CDC42SE2: variants seen among roughly 807,000 people sequenced by gnomAD.
The protein encoded by CDC42SE2 is CDC42 small effector protein 2.
A neutral mutation model predicts 11.5 loss-of-function variants in CDC42SE2; 3 were observed. That is an observed-to-expected ratio of 0.26 (90% CI 0.12 to 0.67). CDC42SE2 has a LOEUF of 0.67. Among genes scored for constraint, CDC42SE2 ranks in the 30% least tolerant of loss-of-function variants. CDC42SE2 has a pLI of 0.80. For missense variants in CDC42SE2, 82 were observed against 106.8 expected, an observed-to-expected ratio of 0.77 and a Z score of 1.02; for synonymous variants, 33 against 34.8, an observed-to-expected ratio of 0.95 and a Z score of 0.18.
the CDC42SE2 span, among the ~76,000 whole-genome samples, chr5:131,230,404 G>T: frequency 6.6e-6 from 1 of 152,220 alleles, no homozygotes; most frequent in African/African-American, 2.4e-5. Context: ...AAACAGGAAA[G>T]TTAGCTCGGG....
chr5:131,271,232 C>T (rs987881757), intron 1 of CDC42SE2, among the ~76,000 whole-genome samples: 3 of 152,030 alleles, frequency 2.0e-5, no homozygotes, highest in African/African-American at 7.2e-5. Flanking sequence ...CAGAACTGCC[C>T]ATGCTTTATT....
the CDC42SE2 span, among the ~76,000 whole-genome samples, chr5:131,236,465 C>A: frequency 6.6e-6 from 1 of 152,018 alleles, no homozygotes. Context: ...CTTGCTCTGT[C>A]GCCCAGGCTG....
chr5:131,270,027 C>T (rs934990521), intron 1 of CDC42SE2, among the ~76,000 whole-genome samples: 9 of 151,920 alleles, frequency 5.9e-5, no homozygotes, highest in African/African-American at 1.9e-4. Flanking sequence ...CACCACTCTA[C>T]TCCAGCCTGG....
the CDC42SE2 span, among the ~76,000 whole-genome samples, chr5:131,225,238 G>A: frequency 6.6e-6 from 1 of 152,206 alleles, no homozygotes; most frequent in African/African-American, 2.4e-5. Context: ...GTCCATAGGA[G>A]AGAACCTTGA....
At chr5:131,355,496 GAGAA>G (rs1420608446) in intron 2 of CDC42SE2, among the ~76,000 whole-genome samples, 3 of 151,884 alleles carry the variant, frequency 2.0e-5, no homozygotes, top group Admixed American at 6.6e-5. Flanking sequence ...GAAAGAGAGA[GAGAA>G]AGAGAAGAGA....
At chr5:131,284,073 C>T (rs1391821205) in intron 1 of CDC42SE2, among the ~76,000 whole-genome samples, 1 of 152,156 alleles carries the variant, frequency 6.6e-6, no homozygotes. Context: ...CATAGTTTTA[C>T]GTTTCCATCA....
intron 1 of CDC42SE2, among the ~76,000 whole-genome samples, chr5:131,311,847 A>T (rs1757923365): frequency 6.6e-6 from 1 of 151,966 alleles, no homozygotes; most frequent in African/African-American, 2.4e-5. Context: ...CATTCTTCTA[A>T]ATTTTTTTTC....
At chr5:131,325,379 A>T (rs1188679299) in intron 2 of CDC42SE2, among the ~76,000 whole-genome samples, 3 of 152,170 alleles carry the variant, frequency 2.0e-5, no homozygotes, top group Non-Finnish European at 4.4e-5. Context: ...TTCACTTTTT[A>T]AATTAGAAAC....
chr5:131,323,017 C>A (rs994931452), intron 2 of CDC42SE2, among the ~76,000 whole-genome samples: 3 of 151,792 alleles, frequency 2.0e-5, no homozygotes, highest in African/African-American at 7.3e-5. Flanking sequence ...GTGAGGTGAT[C>A]CCAAATATTT....
At chr5:131,360,091 C>A (rs1749665506) in intron 3 of CDC42SE2, among the ~76,000 whole-genome samples, 1 of 152,138 alleles carries the variant, frequency 6.6e-6, no homozygotes, top group South Asian at 2.1e-4. Flanking sequence ...CATATTGTTA[C>A]CTCTACCAAA....
the CDC42SE2 span, among the ~76,000 whole-genome samples, chr5:131,217,430 C>T: frequency 6.6e-6 from 1 of 152,164 alleles, no homozygotes; most frequent in Non-Finnish European, 1.5e-5. Context: ...CTTTTAAAGG[C>T]TTATGTTTTC....
intron 2 of CDC42SE2, among the ~76,000 whole-genome samples, chr5:131,342,187 G>C (rs1758726038): frequency 6.7e-6 from 1 of 149,600 alleles, no homozygotes; most frequent in African/African-American, 2.5e-5. Context: ...GGCTGAGGCA[G>C]GATAATCACT....
the CDC42SE2 span, among the ~76,000 whole-genome samples, chr5:131,232,296 T>G: frequency 6.6e-6 from 1 of 151,980 alleles, no homozygotes; most frequent in Non-Finnish European, 1.5e-5. Context: ...GTGTTTTTTG[T>G]GGAGACGGGG....
chr5:131,358,199 A>C (rs1482298895), intron 2 of CDC42SE2, among the ~76,000 whole-genome samples: 1 of 152,232 alleles, frequency 6.6e-6, no homozygotes, highest in African/African-American at 2.4e-5. Context: ...TTATATATCA[A>C]ACTGTCTATT....
chr5:131,353,822 G>A lies in CDC42SE2; in HGVS notation c.-285-5387G>A, dbSNP rs191299223. 9.0e-3 allele frequency among the ~76,000 whole-genome samples: 1,375 copies of A among 152,152 alleles called. 17 individuals are homozygous for A. The highest frequency in any genetic ancestry group is 0.037 in the Middle Eastern group (11 of 294). On this transcript the variant is annotated intron_variant, in intron 2 of 4. Coordinates refer to ENST00000505065, the MANE Select transcript of CDC42SE2 (RefSeq NM_001375635.1). ...ATGTACTCAGGAGGCTGAGGCATGA[G>A]AATTGTTTGAACCTGGGAGGCTGAA...
intron 1 of CDC42SE2, among the ~76,000 whole-genome samples, chr5:131,270,176 C>T (rs907838243): frequency 6.6e-6 from 1 of 152,056 alleles, no homozygotes; most frequent in African/African-American, 2.4e-5. Context: ...AGATCAAGAC[C>T]ATCCTGGCTA....
At chr5:131,386,481 G>A (rs1223123381) in intron 4 of CDC42SE2, among the ~76,000 whole-genome samples, 1 of 152,046 alleles carries the variant, frequency 6.6e-6, no homozygotes, top group East Asian at 1.9e-4. Flanking sequence ...ATCCCTTTAG[G>A]GCAAGGCAGT....
intron 1 of CDC42SE2, among the ~76,000 whole-genome samples, chr5:131,290,365 G>A (rs1157618893): frequency 6.6e-6 from 1 of 151,698 alleles, no homozygotes; most frequent in Non-Finnish European, 1.5e-5. Context: ...CTTATCTTCT[G>A]CCTTAATTGG....
intron 1 of CDC42SE2, among the ~76,000 whole-genome samples, chr5:131,306,859 A>G (rs1421272088): frequency 6.6e-6 from 1 of 152,080 alleles, no homozygotes; most frequent in African/African-American, 2.4e-5. Context: ...GCTATTGTGA[A>G]TAGAATTGAT....
Sources: gnomAD v4.1 joint callset for allele counts (sites outside exome capture counted in the v4.1 genomes callset) on GRCh38, gnomAD v4.1.1 for gene constraint, MANE v1.5 for transcripts, NCBI Gene and HGNC (gene_info 2026-07-23, HGNC 2026-07-21) for gene names.